The following CLPTM1 variants were observed in gnomAD, a reference collection of about 807,000 sequenced individuals.
CLPTM1 encodes the protein CLPTM1 regulator of GABA type A receptor forward trafficking, also known as putative lipid scramblase CLPTM1.
Under a neutral mutation model 77.3 loss-of-function variants are expected in CLPTM1, and 21 were observed. The ratio of observed to expected loss-of-function variants is 0.27; its 90% CI spans 0.19 to 0.39. The LOEUF is 0.39. Ranked by LOEUF, CLPTM1 falls within the 10% of genes least tolerant of loss-of-function variation. CLPTM1 has a pLI of 1.00. For synonymous variants in CLPTM1, 373 were observed against 381.0 expected (o/e 0.98, Z 0.24); for missense variants, 642 against 921.2 (o/e 0.70, Z 3.92).
At position 44,973,106 on chromosome 19, in the gene CLPTM1, A is replaced by G. The variant is rs777780310; in HGVS notation, c.205A>G (p.Ile69Val). Residue 69 changes from isoleucine to valine, a missense_variant, in exon 3 of 14, where the codon ATC becomes GTC. Transcript: ENST00000337392. ...CCTCAGGATCTTCATCATCTGGGCC[A>G]TCAGCAGTTGGTTCCGCCGAGGGCC... is the stretch of plus-strand genomic sequence containing the variant. ...VLFRIFIIWA[I>V]SSWFRRGPAP... 11 of 1,613,798 alleles carry G rather than the reference A, an allele frequency of 6.8e-6. No individual in the cohort carries two copies. In the East Asian group the frequency reaches 2.5e-4, roughly 36 times the overall value.
At chr19:44,956,411 G>A (rs905051396) in intron 1 of CLPTM1, among the ~76,000 whole-genome samples, 8 of 152,190 alleles carry the variant, frequency 5.3e-5, no homozygotes, top group African/African-American at 1.7e-4. Flanking sequence ...CATGTAAACA[G>A]TTGTAATCCT....
intron 7 of CLPTM1, chr19:44,986,776 C>G: frequency 1.6e-6 from 1 of 625,416 alleles, no homozygotes; most frequent in South Asian, 2.2e-5. Context: ...GGACTGACTT[C>G]TACACGCCAG....
intron 5 of CLPTM1, among the ~76,000 whole-genome samples, chr19:44,983,440 G>A (rs1970928353): frequency 6.6e-6 from 1 of 151,332 alleles, no homozygotes; most frequent in Non-Finnish European, 1.5e-5. Flanking sequence ...GCAACATGGT[G>A]ACACCCTGTC....
At chr19:44,987,844 C>T (rs558168526) in intron 8 of CLPTM1, 1 of 588,360 alleles carries the variant, frequency 1.7e-6, no homozygotes, top group African/African-American at 1.9e-5. Context: ...TTCACCCACT[C>T]CCCGCAGCAC....
At position 44,960,260 on chromosome 19, in the gene CLPTM1, A is replaced by G. The variant is rs193297287; in HGVS notation, c.73-1703A>G. Among the ~76,000 whole-genome samples the G allele has an allele frequency of 5.8e-3, 885 of 152,282 alleles. 8 individuals are homozygous for G. The highest frequency in any genetic ancestry group is 6.8e-3 in the Non-Finnish European group (464 of 68,032). On this transcript the variant is annotated intron_variant, in intron 1 of 13. Coordinates refer to ENST00000337392, the MANE Select transcript of CLPTM1 (RefSeq NM_001294.4). ...TCTCTGACCACCCACTCCAAAGTGG[A>G]TCCCTGTTCCCAACTCAGTTGCTGT...
chr19:44,970,898 T>C (rs938963375), intron 2 of CLPTM1, among the ~76,000 whole-genome samples: 1 of 144,400 alleles, frequency 6.9e-6, no homozygotes, highest in Non-Finnish European at 1.5e-5. Context: ...TGGCACGATC[T>C]CGGTTCACTG....
intron 6 of CLPTM1, among the ~76,000 whole-genome samples, chr19:44,985,971 G>GGCC (rs1410700807): frequency 6.6e-6 from 1 of 152,170 alleles, no homozygotes; most frequent in Non-Finnish European, 1.5e-5. Flanking sequence ...TCCTGTCGGT[G>GGCC]GCCGGAAGGG....
At position 44,991,360 on chromosome 19, in the gene CLPTM1, C is replaced by T. The variant is rs1029257260; in HGVS notation, c.1542C>T (p.Phe514=). 2 of 1,613,112 alleles carry T rather than the reference C, an allele frequency of 1.2e-6. No homozygotes were observed. The highest frequency in any genetic ancestry group is 1.1e-5 in the South Asian group (1 of 91,080). ...YSWVLSMLYG[F]LLTFGFITMT... Reference sequence around the variant, plus strand: ...GGGTGCTCAGCATGCTCTACGGCTTCCTGCTGACCTTCGGTGAGCGGTCCG... The same window carrying T: ...GGGTGCTCAGCATGCTCTACGGCTTTCTGCTGACCTTCGGTGAGCGGTCCG... Residue 514 remains phenylalanine, a synonymous_variant, in exon 12 of 14, where the codon TTC becomes TTT. Transcript: ENST00000337392. This position sits in a 1 kb window ranked among gnomAD's most constrained non-coding sequence, Gnocchi z 5.4.
intron 5 of CLPTM1, among the ~76,000 whole-genome samples, chr19:44,979,664 G>A (rs1216522500): frequency 2.0e-5 from 3 of 152,098 alleles, no homozygotes; most frequent in Non-Finnish European, 4.4e-5. Flanking sequence ...ACTTGGAAAG[G>A]TCTTCTGGAG....
chr19:44,967,668 A>G (rs1401039098), intron 2 of CLPTM1, among the ~76,000 whole-genome samples: 1 of 152,118 alleles, frequency 6.6e-6, no homozygotes, highest in African/African-American at 2.4e-5. Flanking sequence ...AAAAAAAAAA[A>G]AAAACAACTC....
intron 4 of CLPTM1, among the ~76,000 whole-genome samples, chr19:44,975,941 C>T (rs1484692666): frequency 6.6e-6 from 1 of 152,144 alleles, no homozygotes; most frequent in Non-Finnish European, 1.5e-5. Context: ...CAGCTCACTG[C>T]AGCCTCAACC....
chr19:44,993,068 GT>G lies in CLPTM1; in HGVS notation c.*174del. On this transcript the variant is annotated 3_prime_UTR_variant, in exon 14 of 14. Coordinates refer to ENST00000337392, the MANE Select transcript of CLPTM1 (RefSeq NM_001294.4). ...GATGTAGGGGCCGGGGCAGGCCAGG[GT>G]TTGTTTGTGGAGGCGCTGTCTGTCC... 1.2e-6 allele frequency: 1 copy of G among 846,960 alleles called. No individual in the cohort carries two copies. Among genetic ancestry groups the G allele is most frequent in the Non-Finnish European group, 2.0e-6 (1 of 511,120 alleles). The allele number at this position is 846,960 out of a possible 1,614,324, so 52.5% of individuals were successfully genotyped here. A position where few individuals can be genotyped will look rare whatever the true frequency, so the allele number is the denominator to read the frequency against.
In CLPTM1 at chr19:44,990,634, G is replaced by T. The variant is rs1971057489; in HGVS notation, c.1323+49G>T. 2 of 1,591,586 alleles carry T rather than the reference G, an allele frequency of 1.3e-6. No individual in the cohort carries two copies. The highest frequency in any genetic ancestry group is 2.2e-5 in the East Asian group (1 of 44,660). Reference sequence around the variant, plus strand: ...CTCGGGAGCTGCAGGGGTTGGGAGGGGGTAGTGTGGCCCAGCTGGACCCTG... The same window carrying T: ...CTCGGGAGCTGCAGGGGTTGGGAGGTGGTAGTGTGGCCCAGCTGGACCCTG... On this transcript the variant is annotated intron_variant, in intron 10 of 13. Transcript: ENST00000337392. The surrounding 1 kb of genome is among the most constrained non-coding windows in gnomAD (Gnocchi z 4.8).
chr19:44,960,798 A>G lies in CLPTM1; in HGVS notation c.73-1165A>G, dbSNP rs577850558. Among the ~76,000 whole-genome samples, 6 of 152,288 alleles carry G rather than the reference A, an allele frequency of 3.9e-5. No homozygotes were observed. In the East Asian group the frequency reaches 5.8e-4, roughly 15 times the overall value. ...GTCCTTCAGGCAGCGGTGGCCACAC[A>G]GGTGTTTATCACAGCCTTGCTCTGT... On this transcript the variant is annotated intron_variant, in intron 1 of 13. Transcript: ENST00000337392.
chr19:44,991,145 C>A lies in CLPTM1; in HGVS notation c.1420-93C>A. On this transcript the variant is annotated intron_variant, in intron 11 of 13. Coordinates refer to ENST00000337392, the MANE Select transcript of CLPTM1 (RefSeq NM_001294.4). This position sits in a 1 kb window ranked among gnomAD's most constrained non-coding sequence, Gnocchi z 5.4. ...TACCTGGAAATTCCCCCTGCCCGGC[C>A]TGCCAGACCAGGTGTGGTGGGTGAG... The A allele has an allele frequency of 6.3e-7, 1 of 1,579,882 alleles. No homozygotes were observed.
In CLPTM1 at chr19:44,955,427, G is replaced by C. The variant is rs768262557; in HGVS notation, c.32G>C (p.Arg11Pro). The stretch of plus-strand genomic sequence containing the variant: ...GCGGCGCAGGAGGCGGACGGGGCCC[G>C]CAGCGCCGTGGTGGCGGCCGGGGGA... Reference protein sequence around the residue: MAAAQEADGARSAVVAAGGGS... With the variant: MAAAQEADGAPSAVVAAGGGS... Residue 11 changes from arginine (R) to proline (P), a missense_variant, in exon 1 of 14, where the codon CGC becomes CCC. Arg to Pro is a moderately radical substitution (Grantham distance 103). Coordinates refer to ENST00000337392, the MANE Select transcript of CLPTM1 (RefSeq NM_001294.4). The C allele has an allele frequency of 7.5e-7, 1 of 1,338,760 alleles. No individual in the cohort carries two copies. The highest frequency in any genetic ancestry group is 3.9e-5 in the Admixed American group (1 of 25,736). The allele number at this position is 1,338,760 out of a possible 1,614,324, so 82.9% of individuals were successfully genotyped here.
chr19:44,957,873 C>G (rs1315125821), intron 1 of CLPTM1, among the ~76,000 whole-genome samples: 1 of 152,200 alleles, frequency 6.6e-6, no homozygotes, highest in Non-Finnish European at 1.5e-5. Context: ...TTTGCTGATG[C>G]TGGAGATACA....
At chr19:44,968,615 T>C (rs560557577) in intron 2 of CLPTM1, among the ~76,000 whole-genome samples, 17 of 125,480 alleles carry the variant, frequency 1.4e-4, no homozygotes, top group Middle Eastern at 3.5e-3. Flanking sequence ...TCCACAGAAC[T>C]GTGGGCGTGT....
Position 44,987,262 on chromosome 19 carries a change from C to G in CLPTM1, c.877C>G (p.Pro293Ala). 6.2e-7 allele frequency: 1 copy of G among 1,614,246 alleles called. No homozygotes were observed. The highest frequency in any genetic ancestry group is 1.1e-5 in the South Asian group (1 of 91,090). The change falls in exon 8 of 14, where the codon CCC becomes GCC. Residue 293 changes from proline (P) to alanine (A), a missense_variant. Pro to Ala is a conservative substitution (Grantham distance 27). Transcript: ENST00000337392. ...CTGGAACCTGCAGAAGGACTACTAC[C>G]CCATCAACGAGAGCCTGGCCAGCCT... ...DYWNLQKDYY[P>A]INESLASLPL...
Sources: allele counts gnomAD v4.1 joint callset (sites outside exome capture counted in the v4.1 genomes callset), GRCh38; gene constraint gnomAD v4.1.1; non-coding constraint Gnocchi (gnomAD v3.1); transcripts MANE v1.5; gene names NCBI Gene and HGNC (gene_info 2026-07-23, HGNC 2026-07-21).